The following SGO2 variants were observed in gnomAD, a reference collection of about 807,000 sequenced individuals.
SGO2 encodes shugoshin-like 2.
A neutral mutation model predicts 99.5 loss-of-function variants in SGO2; 68 were observed. That is an observed-to-expected ratio of 0.68 (90% CI 0.56 to 0.84). The LOEUF (loss-of-function observed/expected upper bound fraction) is 0.84. Among genes scored for constraint, SGO2 ranks in the 40% least tolerant of loss-of-function variants. The pLI is 0.00. For missense variants in SGO2, 1,350 were observed against 1,436.7 expected (o/e 0.94, Z 0.97); for synonymous variants, 457 against 487.1 (o/e 0.94, Z 0.81).
intron 1 of SGO2, among the ~76,000 whole-genome samples, chr2:200,530,521 G>GT (rs754471617): frequency 1.3e-5 from 2 of 152,184 alleles, no homozygotes; most frequent in African/African-American, 2.4e-5. Context: ...AAATTATGGA[G>GT]TTCTTGGCAT....
chr2:200,571,212 C>T lies in SGO2; in HGVS notation c.866C>T (p.Thr289Ile), dbSNP rs1419888802. ...SWESNNLSAD[T>I]PCATVLDKQH... Reference sequence around the variant, plus strand: ...GAATCAAATAATCTTTCTGCAGACACTCCCTGTGCAACAGTTTTAGATAAA... The same window carrying T: ...GAATCAAATAATCTTTCTGCAGACATTCCCTGTGCAACAGTTTTAGATAAA... The change falls in exon 7 of 9, where the codon ACT (threonine) becomes ATT (isoleucine). Residue 289 changes from threonine to isoleucine, a missense_variant. Thr to Ile is a moderately conservative substitution (Grantham distance 89, BLOSUM62 -1). Coordinates refer to ENST00000357799, the MANE Select transcript of SGO2 (RefSeq NM_152524.6). The T allele has an allele frequency of 1.2e-6, 2 of 1,613,620 alleles. No individual in the cohort carries two copies. The highest frequency in any genetic ancestry group is 1.3e-5 in the African/African-American group (1 of 75,008).
At position 200,526,260 on chromosome 2, in the gene SGO2, A is replaced by T. The variant is rs1023269815; in HGVS notation, c.-3+8A>T. 6.6e-6 allele frequency: 1 copy of T among 152,316 alleles called. No individual in the cohort carries two copies. The highest frequency in any genetic ancestry group is 6.5e-5 in the Admixed American group (1 of 15,278). The allele number at this position is 152,316 out of a possible 1,614,324, so 9.4% of individuals were successfully genotyped here. ...CCCCACGCTGAAAGAGAGGTAAGTT[A>T]GTGGCCTGCGGCAGTTGACGTGACC... is the stretch of plus-strand genomic sequence containing the variant. On this transcript the variant is annotated splice_region_variant and intron_variant, in intron 1 of 8. Coordinates refer to ENST00000357799, the MANE Select transcript of SGO2 (RefSeq NM_152524.6). This position sits in a 1 kb window ranked among gnomAD's most constrained non-coding sequence, Gnocchi z 4.8.
chr2:200,556,177 G>A (rs1027762897), intron 5 of SGO2, among the ~76,000 whole-genome samples: 2 of 152,090 alleles, frequency 1.3e-5, no homozygotes, highest in African/African-American at 4.8e-5. Context: ...TGTTGGCCAG[G>A]CTGGTCTCGA....
Position 200,572,026 on chromosome 2 carries a change from A to G in SGO2, c.1680A>G (p.Glu560=). Reference sequence around the variant, plus strand: ...AAAAGGATAAAGTAACCATTTATGAAAACCTAGACGTCACAAATGAATTTC... The same window carrying G: ...AAAAGGATAAAGTAACCATTTATGAGAACCTAGACGTCACAAATGAATTTC... The part of the protein sequence containing the change: ...PNQKDKVTIY[E]NLDVTNEFHT... The change falls in exon 7 of 9, where the codon GAA becomes GAG. Residue 560 remains glutamate (E), a synonymous_variant. Coordinates refer to ENST00000357799, the MANE Select transcript of SGO2 (RefSeq NM_152524.6). 1.2e-6 allele frequency: 2 copies of G among 1,612,606 alleles called. No homozygotes were observed. The highest frequency in any genetic ancestry group is 3.3e-4 in the Middle Eastern group (2 of 6,056).
At chr2:200,568,411 A>T (rs2033272899) in intron 5 of SGO2, among the ~76,000 whole-genome samples, 1 of 152,144 alleles carries the variant, frequency 6.6e-6, no homozygotes, top group South Asian at 2.1e-4. Flanking sequence ...AAGAGTTTTG[A>T]TGTTTCAATT....
intron 4 of SGO2, 62 bp downstream of exon 4, chr2:200,536,204 C>A: frequency 2.9e-6 from 3 of 1,017,206 alleles, no homozygotes; most frequent in Non-Finnish European, 4.4e-6. Context: ...ACTGAGATTA[C>A]TTAAATAACA....
intron 5 of SGO2, among the ~76,000 whole-genome samples, chr2:200,553,761 T>A (rs185564665): frequency 7.2e-5 from 11 of 152,318 alleles, no homozygotes; most frequent in African/African-American, 2.6e-4. Flanking sequence ...GAGACTTTTT[T>A]AAAGCCGAGC....
At chr2:200,533,229 T>C (rs565561823) in intron 2 of SGO2, 121 bp downstream of exon 2, 1 of 1,133,644 alleles carries the variant, frequency 8.8e-7, no homozygotes, top group South Asian at 1.6e-5. Flanking sequence ...TGTTAACTGA[T>C]AACTTTTTAA....
chr2:200,576,215 CCTTTTTTTTTTCTTTTTT>C (rs2033654623), intron 8 of SGO2: 2 of 179,936 alleles, frequency 1.1e-5, no homozygotes. Flanking sequence ...GACCAAGGGG[CCTTTTTTTTTTCTTTTTT>C]CTTTTTTTTT....
At chr2:200,543,983 C>T (rs79518335) in intron 5 of SGO2, among the ~76,000 whole-genome samples, 25,071 of 152,180 alleles carry the variant, frequency 0.16, 2,320 homozygotes, top group Non-Finnish European at 0.21. Flanking sequence ...CAGATACTTC[C>T]TTGTGTCCCT....
At chr2:200,557,393 A>G (rs538934950) in intron 5 of SGO2, among the ~76,000 whole-genome samples, 74 of 151,966 alleles carry the variant, frequency 4.9e-4, no homozygotes, top group African/African-American at 1.7e-3. Flanking sequence ...CACTTACCCA[A>G]AGTTGGCCAA....
At chr2:200,576,599 A>AT (rs2033674271) in intron 8 of SGO2, among the ~76,000 whole-genome samples, 2 of 152,200 alleles carry the variant, frequency 1.3e-5, no homozygotes, top group African/African-American at 2.4e-5. Flanking sequence ...AGTATGCAAT[A>AT]TTCTGGTTTT....
intron 8 of SGO2, among the ~76,000 whole-genome samples, chr2:200,578,690 A>T (rs1329787489): frequency 6.6e-6 from 1 of 152,204 alleles, no homozygotes; most frequent in Non-Finnish European, 1.5e-5. Flanking sequence ...GTCCTGTAGC[A>T]GGATAGAGTC....
At chr2:200,543,773 T>C (rs191106038) in intron 5 of SGO2, among the ~76,000 whole-genome samples, 1 of 152,368 alleles carries the variant, frequency 6.6e-6, no homozygotes, top group East Asian at 1.9e-4. Flanking sequence ...TTCAAAAGTA[T>C]GTTGTCATTA....
At position 200,572,427 on chromosome 2, in the gene SGO2, A is replaced by C; in HGVS notation, c.2081A>C (p.Gln694Pro). 6.2e-7 allele frequency: 1 copy of C among 1,613,562 alleles called. No homozygotes were observed. The highest frequency in any genetic ancestry group is 2.2e-5 in the East Asian group (1 of 44,860). ...CAGAATGTGTTGGGTTTGCAAAAGCAGATCACCAATATGTACCCCGTTCAG... is the reference window on the plus strand; with the variant it reads ...CAGAATGTGTTGGGTTTGCAAAAGCCGATCACCAATATGTACCCCGTTCAG... ...RTQNVLGLQK[Q>P]ITNMYPVQQN... The change falls in exon 7 of 9, where the codon CAG becomes CCG. Residue 694 changes from glutamine to proline, a missense_variant. Coordinates refer to ENST00000357799, the MANE Select transcript of SGO2 (RefSeq NM_152524.6).
rs375034024 is a variant in SGO2 at position 200,531,287 on chromosome 2, T to C, written c.-2-1687T>C. 1.5e-3 allele frequency among the ~76,000 whole-genome samples: 230 copies of C among 152,170 alleles called. 1 individual carries two copies. Among genetic ancestry groups the C allele is most frequent in the African/African-American group, 5.2e-3 (216 of 41,508 alleles). On this transcript the variant is annotated intron_variant, in intron 1 of 8. Transcript: ENST00000357799. ...TCAGTGTTCTGAGAGAGAATAACAA[T>C]GAGTGAGGATATGAAATAATTCATA... is the stretch of plus-strand genomic sequence containing the variant.
intron 5 of SGO2, among the ~76,000 whole-genome samples, chr2:200,546,727 G>T (rs964722727): frequency 6.6e-6 from 1 of 152,102 alleles, no homozygotes; most frequent in African/African-American, 2.4e-5. Context: ...AAATACATTT[G>T]CTGAGCTATA....
Position 200,573,775 on chromosome 2 carries a change from T to G in SGO2, c.3429T>G (p.His1143Gln), listed in dbSNP as rs550454129. Residue 1143 changes from histidine (H) to glutamine (Q), a missense_variant, in exon 7 of 9, where the codon CAT becomes CAG. His to Gln is a conservative substitution (Grantham distance 24). Coordinates refer to ENST00000357799, the MANE Select transcript of SGO2 (RefSeq NM_152524.6). ...TKAFRSLSEI[H>Q]SPNIQDSSFD... The stretch of plus-strand genomic sequence containing the variant: ...CATTTAGATCTTTGTCTGAGATACA[T>G]TCACCTAACATACAAGATTCTTCCT... 3 of 1,611,960 alleles carry G rather than the reference T, an allele frequency of 1.9e-6. No individual in the cohort carries two copies. Among genetic ancestry groups the G allele is most frequent in the East Asian group, 4.5e-5 (2 of 44,834 alleles).
At chr2:200,552,039 T>C (rs1210746862) in intron 5 of SGO2, among the ~76,000 whole-genome samples, 1 of 152,180 alleles carries the variant, frequency 6.6e-6, no homozygotes, top group Non-Finnish European at 1.5e-5. Flanking sequence ...TGGCCAGGAT[T>C]ATGTGGAATA....
Sources: gnomAD v4.1 joint callset for allele counts (sites outside exome capture counted in the v4.1 genomes callset) on GRCh38, gnomAD v4.1.1 for gene constraint, Gnocchi (gnomAD v3.1) non-coding constraint, MANE v1.5 for transcripts, NCBI Gene and HGNC (gene_info 2026-07-23, HGNC 2026-07-21) for gene names.